DPH6: variants seen among roughly 807,000 people sequenced by gnomAD.
DPH6 encodes diphthine--ammonia ligase.
DPH6 carries 33 observed loss-of-function variants against 38.2 expected under a neutral mutation model. The observed-to-expected ratio is 0.86, with a 90% CI of 0.65 to 1.15. The LOEUF is 1.15. Among genes scored for constraint, DPH6 ranks in the 50% most tolerant of loss-of-function variants. The pLI is 0.00. For missense variants in DPH6, 325 were observed against 320.0 expected (o/e 1.02, Z -0.12); for synonymous variants, 108 against 103.0 (o/e 1.05, Z -0.30).
the DPH6 span, among the ~76,000 whole-genome samples, chr15:35,161,691 GCTCGCT>G: frequency 1.4e-4 from 2 of 14,758 alleles, no homozygotes; most frequent in Non-Finnish European, 3.8e-4. Flanking sequence ...TTGCTAGTGT[GCTCGCT>G]CTCTCTCTCT....
At chr15:35,494,045 C>T (rs972794808) in intron 3 of DPH6, among the ~76,000 whole-genome samples, 1 of 151,980 alleles carries the variant, frequency 6.6e-6, no homozygotes, top group Non-Finnish European at 1.5e-5. Context: ...CTTTATCTTC[C>T]TAGTTATCTT....
chr15:35,422,471 T>C (rs1318313082), intron 5 of DPH6, among the ~76,000 whole-genome samples: 1 of 151,960 alleles, frequency 6.6e-6, no homozygotes, highest in South Asian at 2.1e-4. Flanking sequence ...TTAAGGTGTA[T>C]AACTTGATGA....
intron 3 of DPH6, among the ~76,000 whole-genome samples, chr15:35,254,789 T>A (rs1284106268): frequency 6.6e-6 from 1 of 151,678 alleles, no homozygotes; most frequent in Admixed American, 6.6e-5. Context: ...GAGATAGGGG[T>A]GGGGCCGTTT....
intron 5 of DPH6, among the ~76,000 whole-genome samples, chr15:35,440,251 G>A (rs1399815887): frequency 6.6e-6 from 1 of 152,124 alleles, no homozygotes; most frequent in Admixed American, 6.5e-5. Context: ...GGGAAAATAA[G>A]ACAAAGAGGG....
the DPH6 span, among the ~76,000 whole-genome samples, chr15:35,149,286 G>A: frequency 6.6e-6 from 1 of 152,138 alleles, no homozygotes; most frequent in African/African-American, 2.4e-5. Context: ...TACCAGGGCT[G>A]GAGTTCAGTG....
intron 5 of DPH6, among the ~76,000 whole-genome samples, chr15:35,415,189 C>G (rs967510496): frequency 6.6e-6 from 1 of 151,818 alleles, no homozygotes; most frequent in African/African-American, 2.4e-5. Flanking sequence ...TGTTAAAATC[C>G]AAAGCATGAA....
At chr15:35,358,639 T>C (rs533484705) in intron 3 of DPH6, among the ~76,000 whole-genome samples, 19 of 152,246 alleles carry the variant, frequency 1.2e-4, no homozygotes, top group African/African-American at 4.6e-4. Flanking sequence ...CAAACTGCAG[T>C]GATTGTTGTC....
At chr15:35,250,765 T>C (rs2051668481) in intron 3 of DPH6, among the ~76,000 whole-genome samples, 1 of 152,134 alleles carries the variant, frequency 6.6e-6, no homozygotes, top group Admixed American at 6.5e-5. Context: ...TATAAAATAA[T>C]AAATATAATA....
At chr15:35,467,425 G>C (rs1195313489) in intron 3 of DPH6, among the ~76,000 whole-genome samples, 1 of 152,116 alleles carries the variant, frequency 6.6e-6, no homozygotes, top group Non-Finnish European at 1.5e-5. Context: ...AATTAGCTGG[G>C]CATGGTGGTG....
At chr15:35,504,521 T>A (rs1264163001) in intron 3 of DPH6, among the ~76,000 whole-genome samples, 1 of 151,932 alleles carries the variant, frequency 6.6e-6, no homozygotes, top group African/African-American at 2.4e-5. Flanking sequence ...CATAACAATA[T>A]AATATTGTAC....
At chr15:35,173,865 T>C in the DPH6 span, among the ~76,000 whole-genome samples, 1 of 152,164 alleles carries the variant, frequency 6.6e-6, no homozygotes, top group African/African-American at 2.4e-5. Flanking sequence ...GGGGAAGTCT[T>C]TGCTGACCAT....
At chr15:35,182,591 C>A in the DPH6 span, among the ~76,000 whole-genome samples, 1 of 151,804 alleles carries the variant, frequency 6.6e-6, no homozygotes, top group African/African-American at 2.4e-5. Context: ...ACAAAATGAA[C>A]AATACTTATC....
intron 3 of DPH6, among the ~76,000 whole-genome samples, chr15:35,516,007 T>C (rs2054841745): frequency 6.6e-6 from 1 of 152,056 alleles, no homozygotes; most frequent in Non-Finnish European, 1.5e-5. Flanking sequence ...TTTAGAAAAA[T>C]TAAGCCCTGG....
At chr15:35,323,131 T>C (rs958923562) in intron 3 of DPH6, among the ~76,000 whole-genome samples, 2 of 152,178 alleles carry the variant, frequency 1.3e-5, no homozygotes, top group African/African-American at 4.8e-5. Flanking sequence ...TCAAATCTTA[T>C]ATAGTGGAGA....
intron 3 of DPH6, among the ~76,000 whole-genome samples, chr15:35,361,699 T>C (rs56146810): frequency 0.01 from 1,552 of 151,562 alleles, 8 homozygotes; most frequent in Non-Finnish European, 0.015. Flanking sequence ...TTCTGCTTGA[T>C]AAAATCTGCT....
intron 3 of DPH6, among the ~76,000 whole-genome samples, chr15:35,241,437 T>C (rs1267966336): frequency 7.0e-6 from 1 of 143,592 alleles, no homozygotes; most frequent in African/African-American, 2.5e-5. Context: ...GCCAGGCTTC[T>C]AAACCTCTTA....
intron 3 of DPH6, among the ~76,000 whole-genome samples, chr15:35,494,675 T>C (rs891562374): frequency 1.3e-5 from 2 of 152,052 alleles, no homozygotes; most frequent in Admixed American, 6.6e-5. Flanking sequence ...ATGAACAAAA[T>C]TTTTATTTTC....
At chr15:35,328,238 C>T (rs2052300834), downstream of DPH6, among the ~76,000 whole-genome samples, 2 of 152,122 alleles carry the variant, frequency 1.3e-5, no homozygotes, top group South Asian at 4.1e-4. Context: ...CTTTAAAATG[C>T]TATTAATTAT....
At chr15:35,363,173 T>A (rs867371996) in intron 3 of DPH6, among the ~76,000 whole-genome samples, 1 of 152,174 alleles carries the variant, frequency 6.6e-6, no homozygotes, top group Non-Finnish European at 1.5e-5. Context: ...TGTGTTATTT[T>A]AATTTTCTAT....
Sources: gnomAD v4.1 joint callset for allele counts (sites outside exome capture counted in the v4.1 genomes callset) on GRCh38, gnomAD v4.1.1 for gene constraint, MANE v1.5 for transcripts, NCBI Gene and HGNC (gene_info 2026-07-23, HGNC 2026-07-21) for gene names.